The following GALNT2 variants were observed in gnomAD, a reference collection of about 807,000 sequenced individuals.
GALNT2 encodes polypeptide N-acetylgalactosaminyltransferase 2, also known as UDP-GalNAc:polypeptide N-acetylgalactosaminyltransferase 2.
A neutral mutation model predicts 81.4 loss-of-function variants in GALNT2; 31 were observed. The observed-to-expected ratio is 0.38, with a 90% CI of 0.29 to 0.51. The LOEUF is 0.51. GALNT2 is among the 20% of genes least tolerant of loss of function. The pLI, the probability that GALNT2 is intolerant of heterozygous loss-of-function variation, is 0.87. For synonymous variants in GALNT2, 303 were observed against 287.4 expected, an observed-to-expected ratio of 1.05 and a Z score of -0.55; for missense variants, 629 against 765.7, an observed-to-expected ratio of 0.82 and a Z score of 2.11.
intron 1 of GALNT2, among the ~76,000 whole-genome samples, chr1:230,113,879 G>T (rs1660770272): frequency 6.6e-6 from 1 of 152,098 alleles, no homozygotes; most frequent in Non-Finnish European, 1.5e-5. Context: ...AATGGCTGTG[G>T]CTCAGGGCAA....
At chr1:230,120,426 G>A (rs867259107) in intron 1 of GALNT2, among the ~76,000 whole-genome samples, 19 of 152,106 alleles carry the variant, frequency 1.2e-4, no homozygotes, top group African/African-American at 4.3e-4. Context: ...GGCAGTCCCC[G>A]CCAAGGGTGT....
chr1:230,176,702 G>A (rs1421608026), intron 1 of GALNT2, among the ~76,000 whole-genome samples: 1 of 152,216 alleles, frequency 6.6e-6, no homozygotes, highest in Admixed American at 6.5e-5. Context: ...AGTGCCAGTA[G>A]TAAATTGAAA....
At chr1:230,144,070 C>T (rs1661834400) in intron 1 of GALNT2, among the ~76,000 whole-genome samples, 1 of 152,218 alleles carries the variant, frequency 6.6e-6, no homozygotes, top group African/African-American at 2.4e-5. Flanking sequence ...GAGTGCTTGA[C>T]AGCTGTGTCG....
At position 230,088,551 on chromosome 1, in the gene GALNT2, T is replaced by C. The variant is rs561485624; in HGVS notation, c.126+21145T>C. On this transcript the variant is annotated intron_variant, in intron 1 of 15. Transcript: ENST00000366672. ...CTTCTGTCTAGTTTTTTTTTTTTTT[T>C]CTTTGAGACAGAGTCTTGCTCTGTC... is the stretch of plus-strand genomic sequence containing the variant. 5.3e-5 allele frequency among the ~76,000 whole-genome samples: 8 copies of C among 151,740 alleles called. No homozygotes were observed. The South Asian group carries it at 1.0e-3, about 20-fold the overall frequency.
At chr1:230,177,803 A>G (rs1663031860) in intron 1 of GALNT2, among the ~76,000 whole-genome samples, 1 of 152,236 alleles carries the variant, frequency 6.6e-6, no homozygotes, top group Non-Finnish European at 1.5e-5. Flanking sequence ...TAAGATGTCC[A>G]TAAACCACCT....
At chr1:230,221,646 G>C (rs187285002) in intron 3 of GALNT2, among the ~76,000 whole-genome samples, 1 of 152,262 alleles carries the variant, frequency 6.6e-6, no homozygotes, top group East Asian at 1.9e-4. Flanking sequence ...CAGAAAAACT[G>C]ATTTGTAAAG....
intron 1 of GALNT2, among the ~76,000 whole-genome samples, chr1:230,082,697 G>A (rs1264069049): frequency 6.6e-6 from 1 of 152,254 alleles, no homozygotes; most frequent in Non-Finnish European, 1.5e-5. Flanking sequence ...CTGCTCATAG[G>A]AAGTCATATG....
At position 230,164,683 on chromosome 1, in the gene GALNT2, G is replaced by A. The variant is rs537883209; in HGVS notation, c.127-13535G>A. Among the ~76,000 whole-genome samples, 40 of 152,000 alleles carry A rather than the reference G, an allele frequency of 2.6e-4. 1 individual carries two copies. Among genetic ancestry groups the A allele is most frequent in the Admixed American group, 2.6e-4 (4 of 15,264 alleles). On this transcript the variant is annotated intron_variant, in intron 1 of 15. Transcript: ENST00000366672. ...TGAGTAGCTGGGACTACAGGCGCCCGCCACCACGCCTGGCTAATTTTTTGT... is the reference window on the plus strand; with the variant it reads ...TGAGTAGCTGGGACTACAGGCGCCCACCACCACGCCTGGCTAATTTTTTGT...
At chr1:230,105,030 C>T (rs529846403) in intron 1 of GALNT2, among the ~76,000 whole-genome samples, 7 of 152,338 alleles carry the variant, frequency 4.6e-5, no homozygotes, top group South Asian at 2.1e-4. Flanking sequence ...ACCACACCTT[C>T]GGCTCTGTTT....
intron 3 of GALNT2, among the ~76,000 whole-genome samples, chr1:230,211,952 A>G (rs139494995): frequency 1.2e-3 from 182 of 152,228 alleles, no homozygotes; most frequent in African/African-American, 4.2e-3. Context: ...CAGTTTGCAG[A>G]GCAGAGGTTG....
At chr1:230,274,902 A>T (rs1157521937) in intron 15 of GALNT2, among the ~76,000 whole-genome samples, 1 of 152,058 alleles carries the variant, frequency 6.6e-6, no homozygotes, top group East Asian at 1.9e-4. Context: ...CTCGATACAT[A>T]ATGCAAGTGT....
chr1:230,161,050 G>A (rs1558116995), intron 1 of GALNT2, among the ~76,000 whole-genome samples: 2 of 152,122 alleles, frequency 1.3e-5, no homozygotes, highest in African/African-American at 2.4e-5. Flanking sequence ...CTGCATTCAT[G>A]TCTCAGTTAC....
At chr1:230,077,369 C>T (rs781573048) in intron 1 of GALNT2, among the ~76,000 whole-genome samples, 2 of 152,162 alleles carry the variant, frequency 1.3e-5, no homozygotes, top group Admixed American at 6.5e-5. Context: ...CACTAATTTC[C>T]CCTGTGTCTG....
intron 14 of GALNT2, among the ~76,000 whole-genome samples, chr1:230,266,109 G>T (rs915189034): frequency 3.9e-5 from 6 of 152,182 alleles, no homozygotes; most frequent in Non-Finnish European, 5.9e-5. Flanking sequence ...CAGGAGAATT[G>T]CCTGAACCCG....
chr1:230,165,049 G>T (rs1243398870), intron 1 of GALNT2, among the ~76,000 whole-genome samples: 1 of 152,194 alleles, frequency 6.6e-6, no homozygotes, highest in Non-Finnish European at 1.5e-5. Flanking sequence ...GCATAAGGTC[G>T]AAGTTCCAAC....
At chr1:230,144,313 T>G (rs2102827889) in intron 1 of GALNT2, among the ~76,000 whole-genome samples, 1 of 152,350 alleles carries the variant, frequency 6.6e-6, no homozygotes, top group East Asian at 1.9e-4. Flanking sequence ...CAGTAGTTAG[T>G]ATCCAGAACA....
chr1:230,175,585 T>TG (rs1261159818), intron 1 of GALNT2, among the ~76,000 whole-genome samples: 1 of 57,552 alleles, frequency 1.7e-5, no homozygotes, highest in African/African-American at 9.1e-5. Context: ...CCTCCTCCCC[T>TG]CCTCGTCCCC....
At chr1:230,196,160 C>G (rs772647654) in intron 2 of GALNT2, among the ~76,000 whole-genome samples, 37 of 152,364 alleles carry the variant, frequency 2.4e-4, no homozygotes, top group Non-Finnish European at 4.9e-4. Flanking sequence ...CCACTGGGCA[C>G]AGGGCCCCCT....
chr1:230,140,416 C>T lies in GALNT2; in HGVS notation c.127-37802C>T, dbSNP rs145135869. On this transcript the variant is annotated intron_variant, in intron 1 of 15. Coordinates refer to ENST00000366672, the MANE Select transcript of GALNT2 (RefSeq NM_004481.5). ...CCAAGTCCCTGCCCTTCCCAGTGCC[C>T]CAGCCCCTGGACAGCAGTGCCTAGG... Among the ~76,000 whole-genome samples, 634 of 152,372 alleles carry T rather than the reference C, an allele frequency of 4.2e-3. 2 individuals are homozygous for T. The highest frequency in any genetic ancestry group is 0.015 in the African/African-American group (604 of 41,588).
Sources: gnomAD v4.1 joint callset for allele counts (sites outside exome capture counted in the v4.1 genomes callset) on GRCh38, gnomAD v4.1.1 for gene constraint, MANE v1.5 for transcripts, NCBI Gene and HGNC (gene_info 2026-07-23, HGNC 2026-07-21) for gene names.